DAPK2: variants seen among roughly 807,000 people sequenced by gnomAD.
The protein encoded by DAPK2 is death associated protein kinase 2.
DAPK2 carries 35 observed loss-of-function variants against 44.1 expected under a neutral mutation model. The ratio of observed to expected loss-of-function variants is 0.79; its 90% CI spans 0.61 to 1.05. DAPK2 has a LOEUF of 1.05. Ranked by LOEUF, DAPK2 falls within the 50% of genes least tolerant of loss-of-function variation. The probability of loss-of-function intolerance (pLI) is 0.00; values close to 1 mark genes in which losing one functional copy is unlikely to be tolerated. For synonymous variants in DAPK2, 174 were observed against 182.6 expected (o/e 0.95, Z 0.38); for missense variants, 453 against 483.2 (o/e 0.94, Z 0.59).
chr15:64,016,838 GGGAAGGAAGGAAGGAAGGAAGGAAGGAA>G (rs56666247), intron 1 of DAPK2, among the ~76,000 whole-genome samples: 55 of 118,168 alleles, frequency 4.7e-4, no homozygotes, highest in South Asian at 3.0e-3. Context: ...GAAGGAAGGA[GGGAAGGAAGGAAGGAAGGAAGGAAGGAA>G]GGAAGGAAGG....
rs1029381835 is a variant in DAPK2, at chr15:63,939,147, A to C, written c.583+85T>G. ...TGCATCATCTCTTTGCTCAGAGGCC[A>C]TAGCCCCAGACACAGGTTTCTTCCC... On this transcript the variant is annotated intron_variant, in intron 4 of 10. Coordinates refer to ENST00000261891, the Ensembl canonical transcript of DAPK2. This position sits in a 1 kb window ranked among gnomAD's most constrained non-coding sequence, Gnocchi z 4.3. 16 of 1,573,986 alleles carry C rather than the reference A, an allele frequency of 1.0e-5. No individual in the cohort carries two copies. Among genetic ancestry groups the C allele is most frequent in the Non-Finnish European group, 1.4e-5 (16 of 1,161,976 alleles).
Position 64,033,270 on chromosome 15 carries a change from A to C in DAPK2, c.92+6900T>G, listed in dbSNP as rs1261740962. 9.6e-5 allele frequency among the ~76,000 whole-genome samples: 2 copies of C among 20,726 alleles called. 1 individual carries two copies. The highest frequency in any genetic ancestry group is 2.1e-4 in the Non-Finnish European group (2 of 9,414). The allele number at this position is 20,726 out of a possible 152,430, so 13.6% of individuals were successfully genotyped here. On this transcript the variant is annotated intron_variant, in intron 1 of 10. Coordinates refer to ENST00000261891, the Ensembl canonical transcript of DAPK2. ...GAGACCCCTGGGGAGGGGGAGGGGG[A>C]GGGGGAAGGGGGAAGGGGGAAGGAA... is the stretch of plus-strand genomic sequence containing the variant.
chr15:63,952,346 G>C (rs1461384930), intron 3 of DAPK2, among the ~76,000 whole-genome samples: 2 of 152,210 alleles, frequency 1.3e-5, no homozygotes. Context: ...TGTTCCGGAG[G>C]AAATGGCAAT....
chr15:63,993,894 A>G (rs1378310332), intron 1 of DAPK2, among the ~76,000 whole-genome samples: 1 of 152,172 alleles, frequency 6.6e-6, no homozygotes, highest in Non-Finnish European at 1.5e-5. Context: ...TACATATGAA[A>G]CATTCCACAG....
chr15:63,951,603 G>A (rs2077588904), intron 3 of DAPK2, among the ~76,000 whole-genome samples: 3 of 151,970 alleles, frequency 2.0e-5, no homozygotes, highest in African/African-American at 7.2e-5. Flanking sequence ...TTTTATTTCC[G>A]ATGGCATCCC....
Position 63,975,021 on chromosome 15 carries a change from T to A in DAPK2, c.315-3460A>T, listed in dbSNP as rs1484467438. Among the ~76,000 whole-genome samples the A allele has an allele frequency of 2.6e-5, 4 of 152,166 alleles. No individual in the cohort carries two copies. In the East Asian group the frequency reaches 7.7e-4, roughly 29 times the overall value. On this transcript the variant is annotated intron_variant, in intron 2 of 10. Coordinates refer to ENST00000261891, the Ensembl canonical transcript of DAPK2. Reference sequence around the variant, plus strand: ...CCTCTTCCCACCATGGCCTGAAAGTTTTTCAGGTTTACTTTGGAATCTCCT... The same window carrying A: ...CCTCTTCCCACCATGGCCTGAAAGTATTTCAGGTTTACTTTGGAATCTCCT...
At chr15:63,919,030 G>C (rs2079003280) in intron 8 of DAPK2, 1 of 152,196 alleles carries the variant, frequency 6.6e-6, no homozygotes, top group African/African-American at 2.4e-5. Context: ...AGGGCGTGTG[G>C]GGAGCAGAGA....
chr15:63,961,727 G>A (rs1053510762), intron 3 of DAPK2, among the ~76,000 whole-genome samples: 23 of 152,206 alleles, frequency 1.5e-4, no homozygotes, highest in African/African-American at 5.1e-4. Context: ...AGTCTGACGG[G>A]CTTCCCTTTG....
intron 1 of DAPK2, among the ~76,000 whole-genome samples, chr15:63,996,523 G>A (rs1408485154): frequency 1.3e-5 from 2 of 152,192 alleles, no homozygotes; most frequent in Non-Finnish European, 2.9e-5. Context: ...ATACTCTTCT[G>A]GAGGGCATCT....
chr15:63,970,214 C>T (rs1358274380), intron 3 of DAPK2, among the ~76,000 whole-genome samples: 1 of 152,244 alleles, frequency 6.6e-6, no homozygotes, highest in Non-Finnish European at 1.5e-5. Context: ...AAAGTGCAAG[C>T]TCCTTGGCTT....
At chr15:64,037,784 GA>G (rs2080249188) in intron 1 of DAPK2, among the ~76,000 whole-genome samples, 1 of 152,174 alleles carries the variant, frequency 6.6e-6, no homozygotes, top group African/African-American at 2.4e-5. Context: ...AGGCCTGGAA[GA>G]GAGGACCTCT....
At chr15:64,004,947 A>C (rs1430802965) in intron 1 of DAPK2, among the ~76,000 whole-genome samples, 1 of 152,178 alleles carries the variant, frequency 6.6e-6, no homozygotes, top group Non-Finnish European at 1.5e-5. Flanking sequence ...AGTTCCTTTG[A>C]GATGAAGGTT....
chr15:63,957,873 G>A (rs1356943366), intron 3 of DAPK2, among the ~76,000 whole-genome samples: 1 of 152,170 alleles, frequency 6.6e-6, no homozygotes, highest in Non-Finnish European at 1.5e-5. Context: ...TATATGCCCA[G>A]TAATGGTATG....
At chr15:63,944,689 G>C (rs2077403983) in intron 3 of DAPK2, among the ~76,000 whole-genome samples, 2 of 152,160 alleles carry the variant, frequency 1.3e-5, no homozygotes, top group Non-Finnish European at 2.9e-5. Context: ...CAATCAGTGG[G>C]GAGCAGTGGG....
intron 10 of DAPK2, chr15:63,910,638 T>TCCTCC (rs2078761885): frequency 6.6e-6 from 1 of 152,308 alleles, no homozygotes; most frequent in Non-Finnish European, 1.5e-5. Flanking sequence ...ACTCCTGGGC[T>TCCTCC]CAAGTGATCC....
chr15:63,932,241 A>G (rs2076981538), intron 4 of DAPK2, among the ~76,000 whole-genome samples: 4 of 151,402 alleles, frequency 2.6e-5, no homozygotes, highest in Non-Finnish European at 5.9e-5. Flanking sequence ...CAAGGTGGGC[A>G]GATCACCTGA....
chr15:63,920,405 C>A (rs2079040136), intron 8 of DAPK2: 1 of 152,050 alleles, frequency 6.6e-6, no homozygotes, highest in Non-Finnish European at 1.5e-5. Flanking sequence ...TCTCATTTAC[C>A]CTCTCATTGA....
chr15:63,956,618 A>G (rs2077731106), intron 3 of DAPK2, among the ~76,000 whole-genome samples: 1 of 150,524 alleles, frequency 6.6e-6, no homozygotes, highest in African/African-American at 2.4e-5. Context: ...ATGGAGTCGC[A>G]CTCCGTCGCC....
chr15:63,950,585 T>G (rs1257513526), intron 3 of DAPK2, among the ~76,000 whole-genome samples: 1 of 152,192 alleles, frequency 6.6e-6, no homozygotes, highest in Non-Finnish European at 1.5e-5. Flanking sequence ...TGTTTTATTT[T>G]TTTTATTTTT....
Sources: gnomAD v4.1 joint callset for allele counts (sites outside exome capture counted in the v4.1 genomes callset) on GRCh38, gnomAD v4.1.1 for gene constraint, Gnocchi (gnomAD v3.1) non-coding constraint, MANE v1.5 for transcripts, NCBI Gene and HGNC (gene_info 2026-07-23, HGNC 2026-07-21) for gene names.